Variants in ECEL1 observed in about 807,000 individuals in gnomAD.
ECEL1 encodes endothelin converting enzyme like 1.
In ECEL1, 87 loss-of-function variants were observed where a neutral mutation model predicts 101.8. That is an observed-to-expected ratio of 0.85 (90% confidence interval 0.72 to 1.02). The LOEUF is 1.02. Among genes scored for constraint, ECEL1 ranks in the 50% least tolerant of loss-of-function variants. The pLI, the probability that ECEL1 is intolerant of heterozygous loss-of-function variation, is 0.00. For missense variants in ECEL1, 1,032 were observed against 1,079.2 expected (o/e 0.96, Z 0.61); for synonymous variants, 487 against 468.7 (o/e 1.04, Z -0.50).
chr2:232,480,140 C>A lies in ECEL1; in HGVS notation c.*13G>T, dbSNP rs745970246. 1 of 1,612,744 alleles carries A rather than the reference C, an allele frequency of 6.2e-7. No individual in the cohort carries two copies. Among genetic ancestry groups the A allele is most frequent in the South Asian group, 1.1e-5 (1 of 90,960 alleles). On this transcript the variant is annotated 3_prime_UTR_variant, in exon 18 of 18. Coordinates refer to ENST00000304546, the MANE Select transcript of ECEL1 (RefSeq NM_004826.4). The stretch of plus-strand genomic sequence containing the variant: ...TGCGGGGGCAGTGGGGGCGTGCAGG[C>A]GGGCAGCCAGGCTCACCACACGGAA...
chr2:232,482,076 G>A (rs1690594204), intron 12 of ECEL1, among the ~76,000 whole-genome samples: 1 of 152,246 alleles, frequency 6.6e-6, no homozygotes, highest in African/African-American at 2.4e-5. Context: ...AACAGAGCTG[G>A]CTGGGCAGTG....
rs1424163147 is a variant in ECEL1 at position 232,482,628 on chromosome 2, T to TG, written c.1686-21dup. 1.2e-6 allele frequency: 2 copies of TG among 1,601,494 alleles called. No homozygotes were observed. The highest frequency in any genetic ancestry group is 2.2e-5 in the South Asian group (2 of 89,984). On this transcript the variant is annotated intron_variant, in intron 10 of 17. Transcript: ENST00000304546. ...AGCCACCTGTGGAGGGATGCTGGGG[T>TG]GAATGGGGGGAACACACTCCCTCCC...
At position 232,483,469 on chromosome 2, in the gene ECEL1, G is replaced by A. The variant is rs542130042; in HGVS notation, c.1453C>T (p.Leu485=). The change falls in exon 8 of 18, where the codon CTG becomes TTG. Residue 485 remains leucine, a synonymous_variant. Coordinates refer to ENST00000304546, the MANE Select transcript of ECEL1 (RefSeq NM_004826.4). ...EDIKYILGQR[L]EELDWMDAET... Reference sequence around the variant, plus strand: ...GCGTCCATCCAGTCCAGCTCCTCCAGGCGCTGGCCCAGGATGTACTTGATG... The same window carrying A: ...GCGTCCATCCAGTCCAGCTCCTCCAAGCGCTGGCCCAGGATGTACTTGATG... 1 of 1,612,670 alleles carries A rather than the reference G, an allele frequency of 6.2e-7. No homozygotes were observed. Among genetic ancestry groups the A allele is most frequent in the South Asian group, 1.1e-5 (1 of 90,914 alleles).
chr2:232,485,410 C>T, intron 2 of ECEL1, 143 bp from the exon 3 acceptor site: 1 of 967,654 alleles, frequency 1.0e-6, no homozygotes, highest in Non-Finnish European at 1.5e-6. Context: ...GCTCCTCTTT[C>T]CACCCAGACG....
At chr2:232,483,069 C>T (rs1376697982) in intron 9 of ECEL1, 36 bp downstream of exon 9, 1 of 1,611,810 alleles carries the variant, frequency 6.2e-7, no homozygotes, top group South Asian at 1.1e-5. Flanking sequence ...AGTAGAGGGG[C>T]TGTGGACAGG....
rs1324461714 is a variant in ECEL1, at chr2:232,485,088, G to A, written c.859C>T (p.Leu287=). 1 of 1,611,610 alleles carries A rather than the reference G, an allele frequency of 6.2e-7. No homozygotes were observed. Among genetic ancestry groups the A allele is most frequent in the African/African-American group, 1.3e-5 (1 of 75,036 alleles). Residue 287 remains leucine (L), a synonymous_variant, in exon 4 of 18, where the codon CTG becomes TTG. Coordinates refer to ENST00000304546, the MANE Select transcript of ECEL1 (RefSeq NM_004826.4). ...LAQDEDSEKI[L]AAYRVFMERV... is the part of the protein sequence containing the mutation. ...TCCATGAACACCCTGTATGCTGCCA[G>A]GATCTGCACCAGGGGAGGGGGCTCA...
intron 7 of ECEL1, 86 bp from the exon 8 acceptor site, chr2:232,483,600 C>T (rs185378102): frequency 8.7e-7 from 1 of 1,150,604 alleles, no homozygotes; most frequent in African/African-American, 1.5e-5. Flanking sequence ...TGCCTTTAAG[C>T]ACCACTTTCT....
rs771964279 is a variant in ECEL1, at chr2:232,480,679, C to T, written c.2151+39G>A. On this transcript the variant is annotated intron_variant, in intron 16 of 17. Coordinates refer to ENST00000304546, the MANE Select transcript of ECEL1 (RefSeq NM_004826.4). ...GGACTGACCCTGGATGCCGTGTCCC[C>T]ACCCCAAGGCTCCCAGTCCAATCCC... 5.0e-6 allele frequency: 8 copies of T among 1,605,078 alleles called. No homozygotes were observed. The Admixed American group carries it at 1.3e-4, about 27-fold the overall frequency.
chr2:232,486,198 G>T lies in ECEL1; in HGVS notation c.456C>A (p.Ala152=), dbSNP rs750697132. The T allele has an allele frequency of 3.1e-6, 5 of 1,597,450 alleles. No homozygotes were observed. In the South Asian group the frequency reaches 5.5e-5, roughly 18 times the overall value. The part of the protein sequence containing the change: ...DDKLTYGTIA[A]IGEQNEERLR... ...GGCGCTCCTCGTTTTGCTCGCCGAT[G>T]GCCGCGATGGTGCCATAGGTGAGCT... Residue 152 remains alanine, a synonymous_variant, in exon 2 of 18, where the codon GCC becomes GCA. Coordinates refer to ENST00000304546, the MANE Select transcript of ECEL1 (RefSeq NM_004826.4).
In ECEL1 at chr2:232,487,698, AG is replaced by A. The variant is rs1690770483; in HGVS notation, c.-102+20del. On this transcript the variant is annotated intron_variant, in intron 1 of 17. Coordinates refer to ENST00000304546, the MANE Select transcript of ECEL1 (RefSeq NM_004826.4). ...TGGCCGCGGTGGTGGCCTCAGCGGCAGGGACTCGGGCGCCACTTACCCGGCA... is the reference window on the plus strand; with the variant it reads ...TGGCCGCGGTGGTGGCCTCAGCGGCAGGACTCGGGCGCCACTTACCCGGCA... 6.6e-6 allele frequency: 1 copy of A among 150,994 alleles called. No individual in the cohort carries two copies. 9.4% of individuals were successfully genotyped at this position (150,994 alleles called of 1,614,324 possible). A position where few individuals can be genotyped will look rare whatever the true frequency, so the allele number is the denominator to read the frequency against.
At chr2:232,485,790 G>A (rs1690704115) in intron 2 of ECEL1, 78 bp downstream of exon 2, 2 of 1,504,732 alleles carry the variant, frequency 1.3e-6, no homozygotes, top group Non-Finnish European at 1.8e-6. Context: ...CCCGCCTCCC[G>A]CGCGCAGGGA....
chr2:232,481,858 ACAG>A lies in ECEL1; in HGVS notation c.1797-12_1797-10del. ...CCCCGTAGTTGAGAGACCTGGGCCCACAGCAGCAGCATCAGGCCCTAGCCCTCC... is the reference window on the plus strand; with the variant it reads ...CCCCGTAGTTGAGAGACCTGGGCCCACAGCAGCATCAGGCCCTAGCCCTCC... On this transcript the variant is annotated splice_polypyrimidine_tract_variant and intron_variant, in intron 12 of 17. Transcript: ENST00000304546. The A allele has an allele frequency of 6.2e-7, 1 of 1,613,824 alleles. No individual in the cohort carries two copies. Among genetic ancestry groups the A allele is most frequent in the Non-Finnish European group, 8.5e-7 (1 of 1,179,952 alleles).
Position 232,480,405 on chromosome 2 carries a change from T to G in ECEL1, c.2222A>C (p.His741Pro), listed in dbSNP as rs1405117956. 6.2e-7 allele frequency: 1 copy of G among 1,613,978 alleles called. No homozygotes were observed. Among genetic ancestry groups the G allele is most frequent in the Admixed American group, 1.7e-5 (1 of 60,020 alleles). Residue 741 changes from histidine to proline, a missense_variant, in exon 17 of 18, where the codon CAC becomes CCC. By Grantham distance (77) the His-to-Pro change is moderately conservative. Coordinates refer to ENST00000304546, the MANE Select transcript of ECEL1 (RefSeq NM_004826.4). ...GGCGGGCAGGTGGGCATACCTGTAG[T>G]GCTCAGGGGCATGCTTGTCAGTCAG... ...QVLTDKHAPE[H>P]YRVLGSVSQF...
chr2:232,486,631 G>T lies in ECEL1; in HGVS notation c.23C>A (p.Thr8Lys). Reference sequence around the variant, plus strand: ...CTCTTGGAACTCATCGTAGTGCGCCGTCAGCGAATACGGGGGCTCCATGGC... The same window carrying T: ...CTCTTGGAACTCATCGTAGTGCGCCTTCAGCGAATACGGGGGCTCCATGGC... MEPPYSL[T>K]AHYDEFQEVK... Residue 8 changes from threonine (T) to lysine (K), a missense_variant, in exon 2 of 18, where the codon ACG (threonine) becomes AAG (lysine). Physicochemically the swap from Thr to Lys is moderately conservative, Grantham distance 78. Transcript: ENST00000304546. 1 of 1,528,126 alleles carries T rather than the reference G, an allele frequency of 6.5e-7. No individual in the cohort carries two copies. Among genetic ancestry groups the T allele is most frequent in the Non-Finnish European group, 8.7e-7 (1 of 1,148,286 alleles). 94.7% of individuals were successfully genotyped at this position (1,528,126 alleles called of 1,614,324 possible). A position where few individuals can be genotyped will look rare whatever the true frequency, so the allele number is the denominator to read the frequency against.
intron 2 of ECEL1, 93 bp downstream of exon 2, chr2:232,485,775 A>T: frequency 1.4e-6 from 2 of 1,466,544 alleles, no homozygotes; most frequent in Non-Finnish European, 9.1e-7. Context: ...CTCTCCTCTC[A>T]CGCACCCGCC....
intron 2 of ECEL1, 88 bp from the exon 3 acceptor site, chr2:232,485,355 C>A: frequency 1.4e-6 from 2 of 1,448,192 alleles, no homozygotes; most frequent in Non-Finnish European, 1.9e-6. Context: ...GCCCAGAGAG[C>A]AACCAGACAT....
At chr2:232,482,135 G>A (rs1575075848) in intron 12 of ECEL1, among the ~76,000 whole-genome samples, 1 of 152,226 alleles carries the variant, frequency 6.6e-6, no homozygotes, top group Admixed American at 6.5e-5. Flanking sequence ...CTACGTAGGG[G>A]TTTCTCCTCC....
rs1288821163 is a variant in ECEL1, at chr2:232,482,955, C to A, written c.1582-1G>T. 1 of 1,614,140 alleles carries A rather than the reference C, an allele frequency of 6.2e-7. No individual in the cohort carries two copies. The highest frequency in any genetic ancestry group is 8.5e-7 in the Non-Finnish European group (1 of 1,180,042). ...AGTAGGTCTTCTCATGGACCTCAAACTGCAGGAGGCACGGGCGACACTCAG... is the reference window on the plus strand; with the variant it reads ...AGTAGGTCTTCTCATGGACCTCAAAATGCAGGAGGCACGGGCGACACTCAG... On this transcript the variant is annotated splice_acceptor_variant, in intron 9 of 17. Coordinates refer to ENST00000304546, the MANE Select transcript of ECEL1 (RefSeq NM_004826.4). LOFTEE classifies it high-confidence loss of function.
rs1559274912 is a variant in ECEL1 at position 232,483,442 on chromosome 2, CG to C, written c.1479del (p.Glu494ArgfsTer13). 1 of 1,611,716 alleles carries C rather than the reference CG, an allele frequency of 6.2e-7. No homozygotes were observed. Among genetic ancestry groups the C allele is most frequent in the South Asian group, 1.1e-5 (1 of 90,802 alleles). Reference protein sequence around the residue: ...QRLEELDWMDAETRAAARAKL... With the variant: ...QRLEELDWMDXETRAAARAKL... ...TTGGCCCGAGCAGCAGCCCTGGTCT[CG>C]GCGTCCATCCAGTCCAGCTCCTCCA... On this transcript the variant is annotated frameshift_variant, in exon 8 of 18. Coordinates refer to ENST00000304546, the MANE Select transcript of ECEL1 (RefSeq NM_004826.4). LOFTEE classifies it high-confidence loss of function.
Sources: allele counts gnomAD v4.1 joint callset (sites outside exome capture counted in the v4.1 genomes callset), GRCh38; gene constraint gnomAD v4.1.1; transcripts MANE v1.5; gene names NCBI Gene and HGNC (gene_info 2026-07-23, HGNC 2026-07-21).